The following FERRY3 variants were observed in gnomAD, a reference collection of about 807,000 sequenced individuals.
The protein encoded by FERRY3 is protein C12orf4.
At chr12:4,516,917 A>C in the FERRY3 span, 1 of 801,166 alleles carries the variant, frequency 1.2e-6, no homozygotes, top group Non-Finnish European at 1.7e-6. Flanking sequence ...TGTTCTTTCT[A>C]AATAGAAAAA....
At chr12:4,511,294 GAC>G in the FERRY3 span, among the ~76,000 whole-genome samples, 1 of 151,180 alleles carries the variant, frequency 6.6e-6, no homozygotes, top group Non-Finnish European at 1.5e-5. Context: ...AATAATGGGA[GAC>G]TTTAACACCC....
At chr12:4,490,579 C>T in the FERRY3 span, 3 of 1,609,622 alleles carry the variant, frequency 1.9e-6, no homozygotes, top group Non-Finnish European at 2.5e-6. Flanking sequence ...AAGCCATTTC[C>T]ATCATGAAAC....
At chr12:4,506,020 T>C in the FERRY3 span, among the ~76,000 whole-genome samples, 119 of 152,266 alleles carry the variant, frequency 7.8e-4, 1 homozygote, top group African/African-American at 2.8e-3. Context: ...CAGTTTTTCT[T>C]CTTTTTTGAA....
the FERRY3 span, among the ~76,000 whole-genome samples, chr12:4,526,223 G>T: frequency 1.3e-5 from 2 of 152,178 alleles, no homozygotes; most frequent in Non-Finnish European, 2.9e-5. Context: ...GAGGGAAAGG[G>T]TAAAGGACTA....
chr12:4,506,407 CTG>C, the FERRY3 span, among the ~76,000 whole-genome samples: 1 of 152,138 alleles, frequency 6.6e-6, no homozygotes, highest in Non-Finnish European at 1.5e-5. Context: ...ATTTATAACA[CTG>C]TACTTTGTAA....
chr12:4,521,807 T>C, the FERRY3 span, among the ~76,000 whole-genome samples: 1 of 152,204 alleles, frequency 6.6e-6, no homozygotes, highest in South Asian at 2.1e-4. Context: ...TCATGACCTA[T>C]ATGTGAAACC....
the FERRY3 span, chr12:4,490,522 C>G: frequency 3.8e-6 from 6 of 1,598,454 alleles, no homozygotes; most frequent in Admixed American, 1.0e-4. Flanking sequence ...GATAACATAC[C>G]TGTGGTACTA....
chr12:4,517,696 T>C, the FERRY3 span, among the ~76,000 whole-genome samples: 1 of 142,258 alleles, frequency 7.0e-6, no homozygotes, highest in African/African-American at 2.8e-5. Context: ...TATATATATA[T>C]ATATATATAT....
the FERRY3 span, among the ~76,000 whole-genome samples, chr12:4,502,765 C>T: frequency 1.3e-5 from 2 of 152,126 alleles, no homozygotes; most frequent in Non-Finnish European, 2.9e-5. This position sits in a 1 kb window ranked among gnomAD's most constrained non-coding sequence, Gnocchi z 4.2. Context: ...CCACAGATGC[C>T]TCTGACAGGT....
chr12:4,487,840 A>C, the FERRY3 span: 2 of 152,094 alleles, frequency 1.3e-5, no homozygotes, highest in Non-Finnish European at 1.5e-5. Flanking sequence ...AGCCCAAGGT[A>C]CCTTCTTCAC....
At chr12:4,505,259 C>T in the FERRY3 span, 11 of 1,232,796 alleles carry the variant, frequency 8.9e-6, no homozygotes, top group South Asian at 1.4e-4. Flanking sequence ...TATAAAACAT[C>T]TTTTGGTATA....
the FERRY3 span, chr12:4,518,923 A>G: frequency 3.7e-6 from 5 of 1,338,592 alleles, no homozygotes; most frequent in African/African-American, 7.7e-5. Flanking sequence ...TGTTTGTCAA[A>G]AACTTTTCTT....
At chr12:4,519,716 G>A in the FERRY3 span, among the ~76,000 whole-genome samples, 18 of 152,188 alleles carry the variant, frequency 1.2e-4, no homozygotes, top group African/African-American at 4.3e-4. This position sits in a 1 kb window ranked among gnomAD's most constrained non-coding sequence, Gnocchi z 4.3. Flanking sequence ...AGCAGCAGGC[G>A]AGTGAGCATT....
the FERRY3 span, among the ~76,000 whole-genome samples, chr12:4,524,332 G>A: frequency 1.2e-3 from 183 of 151,940 alleles, 1 homozygote; most frequent in African/African-American, 4.0e-3. Context: ...AACAGTTTGG[G>A]GAAAACAGTA....
At chr12:4,518,666 T>C in the FERRY3 span, 1 of 714,948 alleles carries the variant, frequency 1.4e-6, no homozygotes, top group East Asian at 3.2e-5. Flanking sequence ...AAGACCAGCC[T>C]GGGCAACATA....
At chr12:4,507,030 A>C in the FERRY3 span, among the ~76,000 whole-genome samples, 12 of 152,224 alleles carry the variant, frequency 7.9e-5, no homozygotes, top group Admixed American at 2.6e-4. Context: ...GAACAAAATA[A>C]AATCATGATA....
the FERRY3 span, among the ~76,000 whole-genome samples, chr12:4,530,747 A>G: frequency 2.0e-5 from 3 of 152,190 alleles, no homozygotes; most frequent in East Asian, 3.8e-4. Context: ...ACGCTGATAG[A>G]CAAGAAAAGC....
chr12:4,507,508 G>A, the FERRY3 span, among the ~76,000 whole-genome samples: 9 of 148,772 alleles, frequency 6.0e-5, no homozygotes, highest in Middle Eastern at 3.4e-3. Flanking sequence ...AAACGTATGT[G>A]TCCTTTAACC....
At chr12:4,520,186 A>G in the FERRY3 span, among the ~76,000 whole-genome samples, 1 of 152,238 alleles carries the variant, frequency 6.6e-6, no homozygotes, top group Non-Finnish European at 1.5e-5. Flanking sequence ...TCGGAGCCAC[A>G]GGCACATGAA....
Sources: allele counts gnomAD v4.1 joint callset (sites outside exome capture counted in the v4.1 genomes callset), GRCh38; gene constraint gnomAD v4.1.1; non-coding constraint Gnocchi (gnomAD v3.1); transcripts MANE v1.5; gene names NCBI Gene and HGNC (gene_info 2026-07-23, HGNC 2026-07-21).